Variants in MICAL3 observed in about 807,000 individuals in gnomAD.
MICAL3 encodes the protein microtubule associated monooxygenase, calponin and LIM domain containing 3.
In MICAL3, 62 loss-of-function variants were observed where a neutral mutation model predicts 207.4. That is an observed-to-expected ratio of 0.30 (90% CI 0.24 to 0.37). The LOEUF (loss-of-function observed/expected upper bound fraction) is 0.37, where lower values mean the gene tolerates loss of function less well. Ranked by LOEUF, MICAL3 falls within the 10% of genes least tolerant of loss-of-function variation. The pLI, the probability that MICAL3 is intolerant of heterozygous loss-of-function variation, is 1.00. For missense variants in MICAL3, 2,368 were observed against 2,635.6 expected (o/e 0.90, Z 2.22); for synonymous variants, 1,077 against 1,069.3 (o/e 1.01, Z -0.14).
chr22:17,950,379 T>G (rs1293428561), intron 1 of MICAL3, among the ~76,000 whole-genome samples: 1 of 144,280 alleles, frequency 6.9e-6, no homozygotes, highest in African/African-American at 2.5e-5. Context: ...GTTTCACTCT[T>G]GTTGCCCAGG....
chr22:17,888,648 G>T (rs995156163), intron 13 of MICAL3, among the ~76,000 whole-genome samples: 1 of 152,172 alleles, frequency 6.6e-6, no homozygotes, highest in East Asian at 1.9e-4. Context: ...GCAGTAGCGC[G>T]GTATGAAGAG....
Position 17,896,202 on chromosome 22 carries a change from T to C in MICAL3, c.1322+44A>G. ...GCCTGAAGAGTAAACCACTCCTTCTTCCCAGTTTTCTCATGAAAGGAACCC... is the reference window on the plus strand; with the variant it reads ...GCCTGAAGAGTAAACCACTCCTTCTCCCCAGTTTTCTCATGAAAGGAACCC... On this transcript the variant is annotated intron_variant, in intron 9 of 31. Coordinates refer to ENST00000441493, the MANE Select transcript of MICAL3 (RefSeq NM_015241.3). 1.8e-6 allele frequency: 2 copies of C among 1,123,932 alleles called. 1 individual carries two copies. 69.6% of individuals were successfully genotyped at this position (1,123,932 alleles called of 1,614,324 possible).
At chr22:17,906,401 C>T (rs1173547573) in intron 2 of MICAL3, 148 bp downstream of exon 2, 18 of 1,522,216 alleles carry the variant, frequency 1.2e-5, no homozygotes, top group Middle Eastern at 4.7e-4. Context: ...TGGATATGGT[C>T]GATGGCTCTG....
At position 17,877,342 on chromosome 22, in the gene MICAL3, G is replaced by GGGAGGTTAT. The variant is rs1928798679; in HGVS notation, c.2242-5320_2242-5319insATAACCTCC. Among the ~76,000 whole-genome samples the GGGAGGTTAT allele has an allele frequency of 4.4e-4, 9 of 20,436 alleles. 2 individuals are homozygous for GGGAGGTTAT. Among genetic ancestry groups the GGGAGGTTAT allele is most frequent in the African/African-American group, 6.9e-4 (2 of 2,918 alleles). The allele number at this position is 20,436 out of a possible 152,430, so 13.4% of individuals were successfully genotyped here. ...GAGGTTAGGGAGGTTATGGAGGTTA[G>GGGAGGTTAT]GGAGGTTAGGGAGGTTATGGAGGTT... On this transcript the variant is annotated intron_variant, in intron 16 of 31. Transcript: ENST00000441493.
At position 17,894,131 on chromosome 22, in the gene MICAL3, G is replaced by GC. The variant is rs150982509; in HGVS notation, c.1450-228dup. On this transcript the variant is annotated intron_variant, in intron 10 of 31. Transcript: ENST00000441493. ...TTGTGCTAGAAATCAGCTACACAGGGCCGGGTGCGGTGGCTCACACCTATA... is the reference window on the plus strand; with the variant it reads ...TTGTGCTAGAAATCAGCTACACAGGGCCCGGGTGCGGTGGCTCACACCTATA... Among the ~76,000 whole-genome samples the GC allele has an allele frequency of 1.8e-3, 281 of 152,228 alleles. 2 individuals carry two copies. Among genetic ancestry groups the GC allele is most frequent in the Admixed American group, 0.012 (190 of 15,278 alleles).
intron 29 of MICAL3, among the ~76,000 whole-genome samples, chr22:17,792,576 T>C (rs971244362): frequency 6.6e-6 from 1 of 152,186 alleles, no homozygotes; most frequent in Non-Finnish European, 1.5e-5. Context: ...TCCACCTGCC[T>C]TTCTGGCACA....
At chr22:17,797,707 A>G (rs1222052204) in intron 29 of MICAL3, among the ~76,000 whole-genome samples, 3 of 152,264 alleles carry the variant, frequency 2.0e-5, no homozygotes, top group Non-Finnish European at 4.4e-5. Flanking sequence ...TCATACATGA[A>G]TCATGGCCTG....
chr22:17,835,381 G>A (rs1923255515), intron 20 of MICAL3, among the ~76,000 whole-genome samples: 1 of 152,214 alleles, frequency 6.6e-6, no homozygotes, highest in Non-Finnish European at 1.5e-5. Context: ...CTTCATGAAG[G>A]ACACAGAGGA....
In MICAL3 at chr22:17,834,716, C is replaced by T. The variant is rs190574192; in HGVS notation, c.2802-2609G>A. Among the ~76,000 whole-genome samples, 125 of 152,246 alleles carry T rather than the reference C, an allele frequency of 8.2e-4. 1 individual carries two copies. The highest frequency in any genetic ancestry group is 1.2e-3 in the Non-Finnish European group (85 of 68,018). On this transcript the variant is annotated intron_variant, in intron 20 of 31. Coordinates refer to ENST00000441493, the MANE Select transcript of MICAL3 (RefSeq NM_015241.3). ...TGGGCAAACCTAAGAATCTGGGCCA[C>T]GGAAAACTTGGCATCTGGATTTTGG... is the stretch of plus-strand genomic sequence containing the variant.
chr22:17,821,644 A>G (rs753081132), intron 24 of MICAL3, 135 bp from the exon 25 acceptor site: 3 of 731,126 alleles, frequency 4.1e-6, no homozygotes, highest in Non-Finnish European at 6.8e-6. Flanking sequence ...GTTCTCCTGG[A>G]AAGCACAGGT....
intron 1 of MICAL3, among the ~76,000 whole-genome samples, chr22:18,012,439 G>T (rs981819123): frequency 6.6e-6 from 1 of 152,148 alleles, no homozygotes; most frequent in African/African-American, 2.4e-5. Context: ...TTTTGGAGGG[G>T]TAAGGGAGGG....
At chr22:17,894,591 G>A (rs1930666667) in intron 10 of MICAL3, among the ~76,000 whole-genome samples, 1 of 151,658 alleles carries the variant, frequency 6.6e-6, no homozygotes, top group African/African-American at 2.4e-5. Context: ...AAGGTCAGGA[G>A]TTCAAGACCA....
chr22:17,856,172 T>A (rs1011879190), intron 19 of MICAL3, among the ~76,000 whole-genome samples: 2 of 152,250 alleles, frequency 1.3e-5, no homozygotes, highest in Non-Finnish European at 2.9e-5. Flanking sequence ...TGAGTGAGTA[T>A]GGCAAGGGCC....
intron 19 of MICAL3, among the ~76,000 whole-genome samples, chr22:17,859,553 A>T (rs762340451): frequency 1.3e-5 from 2 of 152,242 alleles, no homozygotes; most frequent in African/African-American, 4.8e-5. Context: ...AGGCTGGAGA[A>T]GGGCCAAAAA....
At chr22:17,956,174 AG>A (rs1934604399) in intron 1 of MICAL3, among the ~76,000 whole-genome samples, 2 of 152,338 alleles carry the variant, frequency 1.3e-5, no homozygotes, top group South Asian at 4.1e-4. Context: ...AACATGTTCA[AG>A]GGTGCTGCAT....
chr22:17,814,852 A>T (rs894319062), intron 27 of MICAL3: 2 of 141,264 alleles, frequency 1.4e-5, no homozygotes, highest in Non-Finnish European at 1.6e-5. Context: ...TAGGTCATCC[A>T]TCCCCTAGCT....
intron 1 of MICAL3, among the ~76,000 whole-genome samples, chr22:17,925,445 G>A (rs1459779906): frequency 6.6e-6 from 1 of 152,160 alleles, no homozygotes; most frequent in Non-Finnish European, 1.5e-5. Context: ...CATCACCCTG[G>A]AGGGGATATT....
chr22:17,887,162 A>C lies in MICAL3; in HGVS notation c.2067+8T>G. 1 of 1,612,420 alleles carries C rather than the reference A, an allele frequency of 6.2e-7. No homozygotes were observed. Among genetic ancestry groups the C allele is most frequent in the Non-Finnish European group, 8.5e-7 (1 of 1,178,694 alleles). On this transcript the variant is annotated splice_region_variant and intron_variant, in intron 15 of 31. Transcript: ENST00000441493. ...GACCATTCTAGCAATTCCCCAAGTG[A>C]ATCTCACCTCCTCTGATTGACTGGT...
chr22:17,869,652 T>C (rs1282958597), intron 17 of MICAL3, among the ~76,000 whole-genome samples: 2 of 152,198 alleles, frequency 1.3e-5, no homozygotes, highest in African/African-American at 2.4e-5. Context: ...TCTTCAAATA[T>C]GATTCTTAAT....
Sources: gnomAD v4.1 joint callset for allele counts (sites outside exome capture counted in the v4.1 genomes callset) on GRCh38, gnomAD v4.1.1 for gene constraint, MANE v1.5 for transcripts, NCBI Gene and HGNC (gene_info 2026-07-23, HGNC 2026-07-21) for gene names.